Variants in NDE1 observed in about 807,000 individuals in gnomAD.
NDE1 encodes nudE neurodevelopment protein 1, also known as nuclear distribution protein nudE homolog 1.
Under a neutral mutation model 43.4 loss-of-function variants are expected in NDE1, and 28 were observed. The observed-to-expected ratio is 0.65, with a 90% CI of 0.48 to 0.89. The LOEUF (loss-of-function observed/expected upper bound fraction) is 0.89, where lower values mean the gene tolerates loss of function less well. Ranked by LOEUF, NDE1 falls within the 40% of genes least tolerant of loss-of-function variation. NDE1 has a pLI of 0.00. For missense variants in NDE1, 441 were observed against 434.1 expected (o/e 1.02, Z -0.14); for synonymous variants, 184 against 172.0 (o/e 1.07, Z -0.55).
At chr16:15,679,712 G>A (rs993224892) in intron 4 of NDE1, among the ~76,000 whole-genome samples, 4 of 152,072 alleles carry the variant, frequency 2.6e-5, no homozygotes, top group Admixed American at 1.3e-4. Context: ...AATAACTTTG[G>A]GGTTGTATTG....
intron 8 of NDE1, chr16:15,699,456 G>T: frequency 1.2e-6 from 1 of 861,692 alleles, no homozygotes; most frequent in Non-Finnish European, 1.5e-6. Flanking sequence ...TAGAGACAGG[G>T]TCTCACTATG....
intron 8 of NDE1, among the ~76,000 whole-genome samples, chr16:15,698,903 G>A (rs1040794576): frequency 6.6e-6 from 1 of 151,834 alleles, no homozygotes; most frequent in African/African-American, 2.4e-5. Flanking sequence ...TTCTTTCTAC[G>A]AGACAGGGTT....
chr16:15,674,045 A>C (rs552203505), intron 3 of NDE1, among the ~76,000 whole-genome samples: 1 of 152,272 alleles, frequency 6.6e-6, no homozygotes, highest in South Asian at 2.1e-4. Flanking sequence ...AAACGAGACA[A>C]CATAGGAAGT....
chr16:15,715,433 G>C (rs1360020189), intron 8 of NDE1, among the ~76,000 whole-genome samples: 1 of 152,164 alleles, frequency 6.6e-6, no homozygotes, highest in Admixed American at 6.5e-5. Context: ...CCATGAAAAG[G>C]AATAAAGTAT....
chr16:15,700,741 G>A (rs950604682), intron 8 of NDE1, among the ~76,000 whole-genome samples: 3 of 151,862 alleles, frequency 2.0e-5, no homozygotes, highest in South Asian at 2.1e-4. Flanking sequence ...CTGAGCCACC[G>A]TGCCTGGCCC....
chr16:15,718,341 C>G (rs752996609), intron 8 of NDE1: 2 of 1,608,918 alleles, frequency 1.2e-6, no homozygotes, highest in Non-Finnish European at 1.7e-6. Flanking sequence ...CGGACCCGGT[C>G]GCTCATGGCC....
At chr16:15,678,985 A>G (rs62036934) in intron 4 of NDE1, among the ~76,000 whole-genome samples, 1,898 of 152,136 alleles carry the variant, frequency 0.012, 23 homozygotes, top group Non-Finnish European at 0.021. Context: ...CTGAGGCAGG[A>G]GAATGATGTG....
chr16:15,682,518 C>T (rs1395802552), intron 4 of NDE1, among the ~76,000 whole-genome samples: 3 of 152,166 alleles, frequency 2.0e-5, no homozygotes, highest in East Asian at 1.9e-4. Flanking sequence ...GTCCCTCAAA[C>T]GAAACTACTC....
rs1416811423 is a variant in NDE1, at chr16:15,696,766, C to T, written c.853C>T (p.Arg285Ter). The T allele has an allele frequency of 5.0e-6, 8 of 1,614,192 alleles. No homozygotes were observed. The highest frequency in any genetic ancestry group is 4.5e-5 in the East Asian group (2 of 44,874). The change falls in exon 8 of 9, where the codon CGA becomes TGA. Residue 285 changes from arginine to a stop codon, truncating the protein, a stop_gained. Transcript: ENST00000396354. LOFTEE classifies it high-confidence loss of function. ...CCTCGTGTACGATCAGTCCCCAAAC[C>T]GAACAGGTGGCCCAGCCTCTGGGCG... ...RNLVYDQSPN[R>*]TGGPASGRSS...
upstream of NDE1, among the ~76,000 whole-genome samples, chr16:15,646,690 C>G (rs1567609018): frequency 1.3e-5 from 2 of 151,918 alleles, no homozygotes; most frequent in African/African-American, 4.8e-5. Flanking sequence ...GAGATCGCAC[C>G]ACTGCACTCT....
At position 15,725,963 on chromosome 16, in the gene NDE1, TACCCCCA is replaced by T; in HGVS notation, c.*1718_*1724del. 3 of 330,246 alleles carry T rather than the reference TACCCCCA, an allele frequency of 9.1e-6. No homozygotes were observed. The highest frequency in any genetic ancestry group is 1.6e-5 in the Non-Finnish European group (3 of 184,400). 20.5% of individuals were successfully genotyped at this position (330,246 alleles called of 1,614,324 possible). A position where few individuals can be genotyped will look rare whatever the true frequency, so the allele number is the denominator to read the frequency against. ...AACCCCACTCTGTACTATCTCCCCCTACCCCCAACCCCAGCTGGGCACTCCAGCTCTA... is the reference window on the plus strand; with the variant it reads ...AACCCCACTCTGTACTATCTCCCCCTACCCCAGCTGGGCACTCCAGCTCTA... On this transcript the variant is annotated 3_prime_UTR_variant, in exon 9 of 9. Transcript: ENST00000396354.
chr16:15,697,815 T>C (rs1458363198), intron 8 of NDE1, among the ~76,000 whole-genome samples: 1 of 152,008 alleles, frequency 6.6e-6, no homozygotes, highest in Non-Finnish European at 1.5e-5. Flanking sequence ...TTGTTTTGTT[T>C]TGTTTTTTTT....
In NDE1 at chr16:15,687,379, A is replaced by G; in HGVS notation, c.391A>G (p.Thr131Ala). The change falls in exon 5 of 9, where the codon ACG (threonine) becomes GCG (alanine). Residue 131 changes from threonine (T) to alanine (A), a missense_variant. Physicochemically the swap from Thr to Ala is moderately conservative, Grantham distance 58 (BLOSUM62 0). Transcript: ENST00000396354. ...CTCTGCTTTTCTCTTCGCCAGCGCC[A>G]CGATCATGTCTCTCGAAGACTTTGA... ...NDDLERAKRA[T>A]IMSLEDFEQR... The G allele has an allele frequency of 6.2e-7, 1 of 1,614,136 alleles. No individual in the cohort carries two copies. The highest frequency in any genetic ancestry group is 8.5e-7 in the Non-Finnish European group (1 of 1,180,000).
chr16:15,647,276 G>A (rs79302413), upstream of NDE1, among the ~76,000 whole-genome samples: 555 of 152,308 alleles, frequency 3.6e-3, 1 homozygote, highest in Non-Finnish European at 6.1e-3. Context: ...TAGCAGGAAG[G>A]CAAGATGGGG....
At chr16:15,714,350 A>C (rs960858606) in intron 8 of NDE1, 1 of 165,304 alleles carries the variant, frequency 6.0e-6, no homozygotes, top group Non-Finnish European at 1.3e-5. Context: ...TTTGGTTGTC[A>C]CATTGCAGGG....
At chr16:15,659,712 C>T (rs1462775525) in intron 1 of NDE1, among the ~76,000 whole-genome samples, 1 of 148,892 alleles carries the variant, frequency 6.7e-6, no homozygotes, top group East Asian at 2.0e-4. Context: ...ACTGGGATTA[C>T]AGGTGTGAGC....
Position 15,724,100 on chromosome 16 carries a change from C to T in NDE1, c.948-91C>T. The T allele has an allele frequency of 5.6e-6, 9 of 1,608,278 alleles. No homozygotes were observed. The South Asian group carries it at 6.6e-5, about 12-fold the overall frequency. ...GGCCAGAGCCACGCGTCATACTCTG[C>T]AGAGCTGATTCCCCAACCCAGCGTC... On this transcript the variant is annotated intron_variant, in intron 8 of 8. Coordinates refer to ENST00000396354, the MANE Select transcript of NDE1 (RefSeq NM_017668.3).
upstream of NDE1, among the ~76,000 whole-genome samples, chr16:15,650,002 TGCCCGCCAGCCCGCCGCAGCCCAGC>T (rs1333924846): frequency 6.6e-6 from 1 of 152,152 alleles, no homozygotes; most frequent in Non-Finnish European, 1.5e-5. Flanking sequence ...GCATCTCCAA[TGCCCGCCAGCCCGCCGCAGCCCAGC>T]GCCCGGCAGC....
At chr16:15,656,908 G>T (rs2036795646) in intron 1 of NDE1, among the ~76,000 whole-genome samples, 1 of 152,140 alleles carries the variant, frequency 6.6e-6, no homozygotes, top group Non-Finnish European at 1.5e-5. Context: ...AGAGGTGGTA[G>T]GGTAAGAAAT....
Sources: gnomAD v4.1 joint callset for allele counts (sites outside exome capture counted in the v4.1 genomes callset) on GRCh38, gnomAD v4.1.1 for gene constraint, MANE v1.5 for transcripts, NCBI Gene and HGNC (gene_info 2026-07-23, HGNC 2026-07-21) for gene names.